JAZF1: variants seen among roughly 807,000 people sequenced by gnomAD.
JAZF1 encodes the protein juxtaposed with another zinc finger protein 1.
Under a neutral mutation model 26.4 loss-of-function variants are expected in JAZF1, and 8 were observed. The ratio of observed to expected loss-of-function variants is 0.30; its 90% CI spans 0.18 to 0.55. The LOEUF is 0.55. JAZF1 is among the 20% of genes least tolerant of loss of function. The pLI is 0.94. For missense variants in JAZF1, 199 were observed against 322.0 expected (o/e 0.62, Z 2.92); for synonymous variants, 126 against 122.3 (o/e 1.03, Z -0.20).
intron 2 of JAZF1, among the ~76,000 whole-genome samples, chr7:27,981,606 T>C (rs1000304840): frequency 2.0e-5 from 3 of 152,348 alleles, no homozygotes; most frequent in Admixed American, 6.5e-5. Context: ...TTTTATAAAA[T>C]GATCTGAAAA....
At chr7:27,936,022 G>A (rs757135) in intron 2 of JAZF1, among the ~76,000 whole-genome samples, 4,995 of 152,276 alleles carry the variant, frequency 0.033, 148 homozygotes, top group East Asian at 0.12. Flanking sequence ...TCCCAGCCCT[G>A]GTTCCGCTTT....
intron 1 of JAZF1, among the ~76,000 whole-genome samples, chr7:28,049,165 C>T (rs1351073800): frequency 6.6e-6 from 1 of 151,092 alleles, no homozygotes; most frequent in Non-Finnish European, 1.5e-5. Flanking sequence ...TCACCACAAC[C>T]TCCGCTTCCT....
At chr7:27,975,746 G>T (rs893366992) in intron 2 of JAZF1, among the ~76,000 whole-genome samples, 1 of 152,156 alleles carries the variant, frequency 6.6e-6, no homozygotes, top group Non-Finnish European at 1.5e-5. Context: ...GCTTTGAATT[G>T]GGCTCAAAGA....
In JAZF1 at chr7:27,992,057, A is replaced by G. The variant is rs1458599162; in HGVS notation, c.116-76T>C. 6 of 865,352 alleles carry G rather than the reference A, an allele frequency of 6.9e-6. No individual in the cohort carries two copies. The South Asian group carries it at 8.0e-5, about 12-fold the overall frequency. The allele number at this position is 865,352 out of a possible 1,614,324, so 53.6% of individuals were successfully genotyped here. ...ATGAGGCTACCTAACACAAAGTAAC[A>G]GAGGCTAAGCAGAGAAAAAGATTAA... On this transcript the variant is annotated intron_variant, in intron 1 of 4. Transcript: ENST00000283928.
At chr7:27,868,765 C>A (rs1783529101) in intron 3 of JAZF1, among the ~76,000 whole-genome samples, 1 of 152,188 alleles carries the variant, frequency 6.6e-6, no homozygotes, top group African/African-American at 2.4e-5. Context: ...TGGGGACTTA[C>A]TCCTTCAAGC....
chr7:27,975,266 T>A (rs1356991755), intron 2 of JAZF1, among the ~76,000 whole-genome samples: 1 of 150,694 alleles, frequency 6.6e-6, no homozygotes, highest in Non-Finnish European at 1.5e-5. Context: ...GAGGGGGAGG[T>A]ACCACATGCT....
chr7:28,094,821 C>T (rs994168648), intron 1 of JAZF1, among the ~76,000 whole-genome samples: 6 of 152,090 alleles, frequency 3.9e-5, no homozygotes, highest in South Asian at 2.1e-4. Flanking sequence ...GACCAAGGGC[C>T]GAGCTGCGCC....
intron 1 of JAZF1, among the ~76,000 whole-genome samples, chr7:28,148,827 G>C (rs1783065507): frequency 6.6e-6 from 1 of 152,188 alleles, no homozygotes; most frequent in African/African-American, 2.4e-5. Flanking sequence ...AAGGAACGAG[G>C]CAGGATTCAC....
intron 1 of JAZF1, among the ~76,000 whole-genome samples, chr7:28,106,382 C>T (rs1784553874): frequency 3.3e-5 from 5 of 152,198 alleles, no homozygotes; most frequent in South Asian, 2.1e-4. Flanking sequence ...ATGCACCTGG[C>T]TTGCTGAGCA....
chr7:27,887,839 T>C (rs1164656227), intron 3 of JAZF1, among the ~76,000 whole-genome samples: 1 of 152,182 alleles, frequency 6.6e-6, no homozygotes, highest in African/African-American at 2.4e-5. Flanking sequence ...TCCAACATTT[T>C]CAGTAGCAAG....
intron 1 of JAZF1, among the ~76,000 whole-genome samples, chr7:28,033,705 T>C (rs945993542): frequency 2.6e-5 from 4 of 152,216 alleles, no homozygotes; most frequent in African/African-American, 9.6e-5. Flanking sequence ...CAAACAGCCC[T>C]GATTGCTAAA....
At position 27,840,513 on chromosome 7, in the gene JAZF1, G is replaced by A. The variant is rs1439241531; in HGVS notation, c.555+185C>T. Among the ~76,000 whole-genome samples the A allele has an allele frequency of 1.3e-5, 2 of 152,350 alleles. No homozygotes were observed. The highest frequency in any genetic ancestry group is 4.8e-5 in the African/African-American group (2 of 41,588). ...GAAAGCCCCGGCAGCAGCGGTGGCG[G>A]GTGAGCACTTCCTTGAGGGCACCTG... is the stretch of plus-strand genomic sequence containing the variant. On this transcript the variant is annotated intron_variant, in intron 4 of 4. Transcript: ENST00000283928. This position sits in a 1 kb window ranked among gnomAD's most constrained non-coding sequence, Gnocchi z 5.1.
At chr7:28,002,744 T>TC (rs1782624893) in intron 1 of JAZF1, among the ~76,000 whole-genome samples, 1 of 151,806 alleles carries the variant, frequency 6.6e-6, no homozygotes, top group African/African-American at 2.4e-5. Context: ...AGAGCTATTT[T>TC]CCCCCCTTTC....
intron 2 of JAZF1, among the ~76,000 whole-genome samples, chr7:27,909,682 G>A (rs1784327561): frequency 6.6e-6 from 1 of 151,916 alleles, no homozygotes; most frequent in Non-Finnish European, 1.5e-5. Context: ...CTCCAGCCTG[G>A]GCAACAAGAG....
intron 3 of JAZF1, among the ~76,000 whole-genome samples, chr7:27,882,079 A>G (rs1036947764): frequency 1.3e-5 from 2 of 152,222 alleles, no homozygotes; most frequent in African/African-American, 4.8e-5. Context: ...AATTCATTCA[A>G]AATTATTCAG....
At chr7:28,000,734 T>C (rs1340468740) in intron 1 of JAZF1, among the ~76,000 whole-genome samples, 2 of 149,386 alleles carry the variant, frequency 1.3e-5, no homozygotes, top group African/African-American at 4.9e-5. Flanking sequence ...TTCTCATGCC[T>C]CAGCCTCCTG....
At chr7:28,056,054 G>A (rs946477133) in intron 1 of JAZF1, among the ~76,000 whole-genome samples, 4 of 152,080 alleles carry the variant, frequency 2.6e-5, no homozygotes, top group African/African-American at 9.7e-5. Context: ...TTTGTGAACA[G>A]AGACAGTGTC....
chr7:27,988,920 T>TAAAAAAAA, intron 2 of JAZF1, among the ~76,000 whole-genome samples: 1 of 83,740 alleles, frequency 1.2e-5, no homozygotes, highest in Non-Finnish European at 2.2e-5. Flanking sequence ...AGAATCTCTG[T>TAAAAAAAA]AAAAAAAAAA....
At chr7:27,903,454 CAA>C (rs1402287033) in intron 2 of JAZF1, among the ~76,000 whole-genome samples, 2 of 152,180 alleles carry the variant, frequency 1.3e-5, no homozygotes, top group Non-Finnish European at 2.9e-5. Context: ...TTTGGTCTCC[CAA>C]AGTGTTGGGA....
Sources: allele counts gnomAD v4.1 joint callset (sites outside exome capture counted in the v4.1 genomes callset), GRCh38; gene constraint gnomAD v4.1.1; non-coding constraint Gnocchi (gnomAD v3.1); transcripts MANE v1.5; gene names NCBI Gene and HGNC (gene_info 2026-07-23, HGNC 2026-07-21).